Variants in AUTS2 observed in about 807,000 individuals in gnomAD.
AUTS2 encodes the protein activator of transcription and developmental regulator AUTS2.
A neutral mutation model predicts 112.4 loss-of-function variants in AUTS2; 17 were observed. The observed-to-expected ratio is 0.15, with a 90% CI of 0.10 to 0.23. AUTS2 has a LOEUF of 0.23. Ranked by LOEUF, AUTS2 falls within the 10% of genes least tolerant of loss-of-function variation. The pLI, the probability that AUTS2 is intolerant of heterozygous loss-of-function variation, is 1.00. For synonymous variants in AUTS2, 751 were observed against 702.7 expected, an observed-to-expected ratio of 1.07 and a Z score of -1.09; for missense variants, 1,510 against 1,701.6, an observed-to-expected ratio of 0.89 and a Z score of 1.98.
At chr7:69,832,480 G>A (rs187317034) in intron 1 of AUTS2, among the ~76,000 whole-genome samples, 31 of 152,176 alleles carry the variant, frequency 2.0e-4, no homozygotes, top group Non-Finnish European at 3.4e-4. Flanking sequence ...ATAATGCTGA[G>A]CACTAGTCAA....
At chr7:69,678,510 A>G (rs1431286263) in intron 1 of AUTS2, among the ~76,000 whole-genome samples, 1 of 152,192 alleles carries the variant, frequency 6.6e-6, no homozygotes, top group Non-Finnish European at 1.5e-5. Flanking sequence ...CGGAACAAAA[A>G]TCATGGCGAA....
chr7:70,228,328 G>A (rs1005468175), intron 4 of AUTS2, among the ~76,000 whole-genome samples: 1 of 151,078 alleles, frequency 6.6e-6, no homozygotes, highest in African/African-American at 2.4e-5. Flanking sequence ...TATGTAAAAT[G>A]TATCGCTTTT....
intron 5 of AUTS2, among the ~76,000 whole-genome samples, chr7:70,590,736 A>C (rs551138581): frequency 6.6e-6 from 1 of 152,344 alleles, no homozygotes; most frequent in Non-Finnish European, 1.5e-5. Context: ...ATGTAGAAAC[A>C]GTCTGAGTTG....
chr7:69,974,571 A>C (rs888834171), intron 2 of AUTS2, among the ~76,000 whole-genome samples: 2 of 152,084 alleles, frequency 1.3e-5, no homozygotes, highest in Admixed American at 6.6e-5. Context: ...TGAGAACCAC[A>C]AGGGCTGATG....
rs939282950 is a variant in AUTS2 at position 70,284,344 on chromosome 7, T to G, written c.660+149773T>G. Among the ~76,000 whole-genome samples the G allele has an allele frequency of 1.3e-5, 2 of 152,194 alleles. 1 individual carries two copies. The highest frequency in any genetic ancestry group is 2.9e-5 in the Non-Finnish European group (2 of 68,032). Reference sequence around the variant, plus strand: ...GGCATGGCTGCCATGTACTTTCTTTTTGTCACACTTACCCAGTGATCATTT... The same window carrying G: ...GGCATGGCTGCCATGTACTTTCTTTGTGTCACACTTACCCAGTGATCATTT... On this transcript the variant is annotated intron_variant, in intron 4 of 18. Coordinates refer to ENST00000342771, the MANE Select transcript of AUTS2 (RefSeq NM_015570.4).
chr7:70,564,567 T>C (rs1278910520), intron 5 of AUTS2, among the ~76,000 whole-genome samples: 1 of 152,236 alleles, frequency 6.6e-6, no homozygotes, highest in African/African-American at 2.4e-5. Context: ...CCATTGGGCT[T>C]TGATTACAAT....
chr7:69,723,116 G>A (rs544470041), intron 1 of AUTS2, among the ~76,000 whole-genome samples: 1 of 152,256 alleles, frequency 6.6e-6, no homozygotes, highest in Admixed American at 6.5e-5. Flanking sequence ...CCAAAGGACT[G>A]TCTGACACTT....
chr7:70,663,881 C>A (rs1354157168), intron 5 of AUTS2, among the ~76,000 whole-genome samples: 1 of 152,178 alleles, frequency 6.6e-6, no homozygotes, highest in African/African-American at 2.4e-5. Context: ...ATAATCACTA[C>A]CACATCTCAG....
intron 5 of AUTS2, among the ~76,000 whole-genome samples, chr7:70,581,506 C>G (rs949532530): frequency 2.0e-5 from 3 of 152,182 alleles, no homozygotes; most frequent in Non-Finnish European, 4.4e-5. Flanking sequence ...TATGATTGCA[C>G]CACTGCATTC....
At chr7:69,886,016 C>T (rs942956241) in intron 1 of AUTS2, among the ~76,000 whole-genome samples, 12 of 152,178 alleles carry the variant, frequency 7.9e-5, no homozygotes, top group Admixed American at 7.9e-4. Flanking sequence ...GCAAACCCTC[C>T]ACTGAATTGA....
Position 70,125,270 on chromosome 7 carries a change from TGTGTGTGTGTGTGTG to T in AUTS2, c.624+7038_624+7052del, listed in dbSNP as rs1344191737. On this transcript the variant is annotated intron_variant, in intron 3 of 18. Transcript: ENST00000342771. The stretch of plus-strand genomic sequence containing the variant: ...ATGTGTGTGTGTGTGTGTGTGTGTG[TGTGTGTGTGTGTGTG>T]TTTTTAATGTTTGCTTTTGTACTTT... Among the ~76,000 whole-genome samples, 37 of 151,984 alleles carry T rather than the reference TGTGTGTGTGTGTGTG, an allele frequency of 2.4e-4. 1 individual carries two copies. In the East Asian group the frequency reaches 6.8e-3, roughly 28 times the overall value.
intron 5 of AUTS2, among the ~76,000 whole-genome samples, chr7:70,463,131 C>T (rs1797036803): frequency 6.6e-6 from 1 of 152,202 alleles, no homozygotes; most frequent in Admixed American, 6.5e-5. Flanking sequence ...TACACATCTC[C>T]TGTTTCAGGG....
chr7:70,398,236 C>A (rs1794173106), intron 4 of AUTS2, among the ~76,000 whole-genome samples: 1 of 152,150 alleles, frequency 6.6e-6, no homozygotes, highest in Non-Finnish European at 1.5e-5. Flanking sequence ...TGTTAGCCTT[C>A]CAACTTCTTT....
At chr7:69,658,788 C>G (rs1305948043) in intron 1 of AUTS2, among the ~76,000 whole-genome samples, 1 of 152,042 alleles carries the variant, frequency 6.6e-6, no homozygotes, top group Admixed American at 6.6e-5. Flanking sequence ...GGTTCATTAC[C>G]AGGGAAATTC....
At position 70,653,100 on chromosome 7, in the gene AUTS2, A is replaced by T. The variant is rs147481153; in HGVS notation, c.691-45469A>T. 7.0e-4 allele frequency among the ~76,000 whole-genome samples: 107 copies of T among 152,216 alleles called. No homozygotes were observed. In the East Asian group the frequency reaches 0.02, roughly 29 times the overall value. On this transcript the variant is annotated intron_variant, in intron 5 of 18. Coordinates refer to ENST00000342771, the MANE Select transcript of AUTS2 (RefSeq NM_015570.4). ...GAAGACTCTATCTCTACAAAAAAAT[A>T]AAAAATCAACCAGGCATGGTGGTAC...
At chr7:70,112,084 T>C (rs978192927) in intron 2 of AUTS2, among the ~76,000 whole-genome samples, 2 of 151,964 alleles carry the variant, frequency 1.3e-5, no homozygotes, top group African/African-American at 4.8e-5. Flanking sequence ...TTTATTTCTA[T>C]TCTTTCACAT....
At chr7:70,295,490 G>GA (rs1285697684) in intron 4 of AUTS2, among the ~76,000 whole-genome samples, 6 of 151,992 alleles carry the variant, frequency 3.9e-5, no homozygotes, top group Non-Finnish European at 8.8e-5. Context: ...TTGATTTTTT[G>GA]TTTTTTGGGT....
chr7:70,327,250 A>AT (rs1010554189), intron 4 of AUTS2, among the ~76,000 whole-genome samples: 9 of 152,176 alleles, frequency 5.9e-5, no homozygotes, highest in South Asian at 2.1e-4. Flanking sequence ...GCATCCATGG[A>AT]TTTTTAAATG....
chr7:70,134,500 C>T (rs1310614468), intron 3 of AUTS2, 36 bp from the exon 4 acceptor site: 1 of 1,607,322 alleles, frequency 6.2e-7, no homozygotes, highest in Admixed American at 1.7e-5. Flanking sequence ...AAAACCATTG[C>T]TGATTTTCCA....
Sources: allele counts gnomAD v4.1 joint callset (sites outside exome capture counted in the v4.1 genomes callset), GRCh38; gene constraint gnomAD v4.1.1; transcripts MANE v1.5; gene names NCBI Gene and HGNC (gene_info 2026-07-23, HGNC 2026-07-21).